MKKS: variants seen among roughly 807,000 people sequenced by gnomAD.
The protein encoded by MKKS is MKKS centrosomal shuttling protein, also known as molecular chaperone MKKS.
MKKS carries 29 observed loss-of-function variants against 33.2 expected under a neutral mutation model. The observed-to-expected ratio is 0.87, with a 90% CI of 0.65 to 1.19. The LOEUF (loss-of-function observed/expected upper bound fraction) is 1.19, where lower values mean the gene tolerates loss of function less well. Among genes scored for constraint, MKKS ranks in the 50% most tolerant of loss-of-function variants. The probability of loss-of-function intolerance (pLI) is 0.00; values close to 1 mark genes in which losing one functional copy is unlikely to be tolerated. For missense variants in MKKS, 661 were observed against 662.3 expected, an observed-to-expected ratio of 1.00 and a Z score of 0.02; for synonymous variants, 260 against 244.0, an observed-to-expected ratio of 1.07 and a Z score of -0.61.
rs567563863 is a variant in MKKS, at chr20:10,405,983, G to A, written c.1273-296C>T. Among the ~76,000 whole-genome samples the A allele has an allele frequency of 2.4e-4, 36 of 152,280 alleles. No homozygotes were observed. In the Middle Eastern group the frequency reaches 0.014, roughly 58 times the overall value. Reference sequence around the variant, plus strand: ...AGCTTATTCTGAATGAGGCTTGGTAGTGCCTCCTTAATACATGAAGGACTA... The same window carrying A: ...AGCTTATTCTGAATGAGGCTTGGTAATGCCTCCTTAATACATGAAGGACTA... On this transcript the variant is annotated intron_variant, in intron 5 of 5. Transcript: ENST00000347364.
chr20:10,415,848 G>A (rs977270856), intron 2 of MKKS, among the ~76,000 whole-genome samples: 1 of 152,158 alleles, frequency 6.6e-6, no homozygotes, highest in Middle Eastern at 3.4e-3. Context: ...CATATCTTTT[G>A]GCTAGTATTT....
chr20:10,414,880 T>C (rs1441342469), intron 2 of MKKS, among the ~76,000 whole-genome samples: 1 of 152,312 alleles, frequency 6.6e-6, no homozygotes, highest in Admixed American at 6.5e-5. Context: ...TATCAATCAA[T>C]GATTTTCAGT....
At chr20:10,419,547 G>C (rs1166784458) in intron 2 of MKKS, among the ~76,000 whole-genome samples, 1 of 152,108 alleles carries the variant, frequency 6.6e-6, no homozygotes, top group African/African-American at 2.4e-5. Flanking sequence ...ACTACATATA[G>C]CACTAAACCC....
At chr20:10,424,670 A>G (rs1044929095) in intron 1 of MKKS, among the ~76,000 whole-genome samples, 1 of 152,206 alleles carries the variant, frequency 6.6e-6, no homozygotes, top group Non-Finnish European at 1.5e-5. Flanking sequence ...ACTCTTGCAG[A>G]GCTTTTACTT....
chr20:10,417,671 TAA>T (rs5840374), intron 2 of MKKS, among the ~76,000 whole-genome samples: 26 of 150,448 alleles, frequency 1.7e-4, no homozygotes, highest in Non-Finnish European at 2.5e-4. Context: ...GCCTTCTCTG[TAA>T]AAAAAAAAAA....
intron 4 of MKKS, among the ~76,000 whole-genome samples, chr20:10,408,213 T>C (rs527997237): frequency 6.6e-6 from 1 of 152,166 alleles, no homozygotes; most frequent in African/African-American, 2.4e-5. Context: ...ACCAATCCCA[T>C]AGATTATCAT....
At position 10,405,344 on chromosome 20, in the gene MKKS, A is replaced by G; in HGVS notation, c.1616T>C (p.Leu539Ser). ...ACTAAGCTTTGCAGTCAAACAGTCCAAGGTCAGGTTGCTGGCTGAGCCCAC... is the reference window on the plus strand; with the variant it reads ...ACTAAGCTTTGCAGTCAAACAGTCCGAGGTCAGGTTGCTGGCTGAGCCCAC... The part of the protein sequence containing the change: ...EAVGSASNLT[L>S]DCLTAKLSGL... The change falls in exon 6 of 6, where the codon TTG (leucine) becomes TCG (serine). Residue 539 changes from leucine (L) to serine (S), a missense_variant. Physicochemically the swap from Leu to Ser is moderately radical, Grantham distance 145. Transcript: ENST00000347364. 6.2e-7 allele frequency: 1 copy of G among 1,614,220 alleles called. No individual in the cohort carries two copies.
chr20:10,412,030 G>C (rs1175583648), intron 3 of MKKS, among the ~76,000 whole-genome samples: 1 of 152,124 alleles, frequency 6.6e-6, no homozygotes, highest in Non-Finnish European at 1.5e-5. Context: ...AGGTCAGGTG[G>C]GAACAGTTTT....
In MKKS at chr20:10,401,376, A is replaced by G. The variant is rs1451241850; in HGVS notation, c.*3871T>C. The G allele has an allele frequency of 6.6e-6, 1 of 152,186 alleles. No homozygotes were observed. Among genetic ancestry groups the G allele is most frequent in the East Asian group, 1.9e-4 (1 of 5,194 alleles). The allele number at this position is 152,186 out of a possible 1,614,324, so 9.4% of individuals were successfully genotyped here. A position where few individuals can be genotyped will look rare whatever the true frequency, so the allele number is the denominator to read the frequency against. ...GATACAATAGTTACTAAATGGAAGC[A>G]CTTAGCTACATGAAAAAAATTATAA... On this transcript the variant is annotated 3_prime_UTR_variant, in exon 6 of 6. Transcript: ENST00000347364.
Position 10,413,702 on chromosome 20 carries a change from G to T in MKKS, c.-188C>A. 1.6e-6 allele frequency: 1 copy of T among 631,470 alleles called. No homozygotes were observed. The highest frequency in any genetic ancestry group is 2.0e-5 in the South Asian group (1 of 49,896). 39.1% of individuals were successfully genotyped at this position (631,470 alleles called of 1,614,324 possible). ...GCTAATCAGCATAGAATGATTTAAT[G>T]ACAAATTAGTAATTCCAAATATTTA... On this transcript the variant is annotated 5_prime_UTR_variant, in exon 3 of 6. Transcript: ENST00000347364.
chr20:10,418,127 G>C (rs6108562), intron 2 of MKKS, among the ~76,000 whole-genome samples: 1 of 152,084 alleles, frequency 6.6e-6, no homozygotes, highest in Non-Finnish European at 1.5e-5. Flanking sequence ...ATGTGTTTGT[G>C]TATGTGTGTT....
rs1008142900 is a variant in MKKS at position 10,403,856 on chromosome 20, G to C, written c.*1391C>G. The C allele has an allele frequency of 6.6e-6, 1 of 152,156 alleles. No individual in the cohort carries two copies. Among genetic ancestry groups the C allele is most frequent in the Admixed American group, 6.5e-5 (1 of 15,278 alleles). 9.4% of individuals were successfully genotyped at this position (152,156 alleles called of 1,614,324 possible). A position where few individuals can be genotyped will look rare whatever the true frequency, so the allele number is the denominator to read the frequency against. ...TAAATATTTTATGAGACTTCAGGTG[G>C]GGCTGATACCTAACATATATGGATG... On this transcript the variant is annotated 3_prime_UTR_variant, in exon 6 of 6. Transcript: ENST00000347364.
At chr20:10,415,839 A>C (rs1302818987) in intron 2 of MKKS, among the ~76,000 whole-genome samples, 1 of 152,030 alleles carries the variant, frequency 6.6e-6, no homozygotes, top group Non-Finnish European at 1.5e-5. Context: ...ACCAGTACAC[A>C]TATCTTTTGG....
At chr20:10,412,362 T>C (rs1193078740) in intron 3 of MKKS, among the ~76,000 whole-genome samples, 168 bp downstream of exon 3, 1 of 152,192 alleles carries the variant, frequency 6.6e-6, no homozygotes, top group Non-Finnish European at 1.5e-5. Flanking sequence ...ATTTTTAGTA[T>C]GTGAACAATA....
Position 10,403,838 on chromosome 20 carries a change from T to C in MKKS, c.*1409A>G, listed in dbSNP as rs2064824110. ...AAGGAGTAAAACTTTTGATAAATAT[T>C]TTATGAGACTTCAGGTGGGGCTGAT... On this transcript the variant is annotated 3_prime_UTR_variant, in exon 6 of 6. Coordinates refer to ENST00000347364, the MANE Select transcript of MKKS (RefSeq NM_170784.3). The C allele has an allele frequency of 6.6e-6, 1 of 152,224 alleles. No individual in the cohort carries two copies. Among genetic ancestry groups the C allele is most frequent in the Admixed American group, 6.5e-5 (1 of 15,282 alleles). The allele number at this position is 152,224 out of a possible 1,614,324, so 9.4% of individuals were successfully genotyped here. A position where few individuals can be genotyped will look rare whatever the true frequency, so the allele number is the denominator to read the frequency against.
At chr20:10,427,389 A>C (rs1568673533) in intron 1 of MKKS, among the ~76,000 whole-genome samples, 1 of 152,192 alleles carries the variant, frequency 6.6e-6, no homozygotes, top group East Asian at 1.9e-4. Flanking sequence ...CTTCCACTGA[A>C]TGTAATTTAA....
At chr20:10,418,221 A>C (rs1349793475) in intron 2 of MKKS, among the ~76,000 whole-genome samples, 1 of 152,240 alleles carries the variant, frequency 6.6e-6, no homozygotes, top group Non-Finnish European at 1.5e-5. Context: ...AGTTCAAAAA[A>C]CAGAGGAAAA....
intron 3 of MKKS, 131 bp downstream of exon 3, chr20:10,412,399 G>T: frequency 1.1e-6 from 1 of 913,550 alleles, no homozygotes; most frequent in Non-Finnish European, 1.8e-6. Flanking sequence ...AACCTTTGCT[G>T]CCAGAAATGA....
rs142376615 is a variant in MKKS at position 10,431,372 on chromosome 20, C to T, written c.-649+2736G>A. The stretch of plus-strand genomic sequence containing the variant: ...ACAAGATTAATTCTATCCAAATGCT[C>T]ACTTAGTGTCTATTAGGTGCTAGCA... On this transcript the variant is annotated intron_variant, in intron 1 of 5. Coordinates refer to ENST00000347364, the MANE Select transcript of MKKS (RefSeq NM_170784.3). Among the ~76,000 whole-genome samples, 779 of 152,202 alleles carry T rather than the reference C, an allele frequency of 5.1e-3. 4 individuals carry two copies. The highest frequency in any genetic ancestry group is 8.2e-3 in the Non-Finnish European group (559 of 68,002).
Sources: gnomAD v4.1 joint callset for allele counts (sites outside exome capture counted in the v4.1 genomes callset) on GRCh38, gnomAD v4.1.1 for gene constraint, MANE v1.5 for transcripts, NCBI Gene and HGNC (gene_info 2026-07-23, HGNC 2026-07-21) for gene names.